Variants in PLCXD3 observed in about 807,000 individuals in gnomAD.
PLCXD3 encodes the protein phosphatidylinositol specific phospholipase C X domain containing 3.
A neutral mutation model predicts 25.5 loss-of-function variants in PLCXD3; 19 were observed. The observed-to-expected ratio is 0.75, with a 90% CI of 0.52 to 1.09. PLCXD3 has a LOEUF of 1.09. Ranked by LOEUF, PLCXD3 falls within the 50% of genes least tolerant of loss-of-function variation. The pLI is 0.00. For missense variants in PLCXD3, 411 were observed against 388.1 expected (o/e 1.06, Z -0.50); for synonymous variants, 174 against 137.6 (o/e 1.26, Z -1.85).
At chr5:41,444,988 T>A (rs1747463088) in intron 1 of PLCXD3, among the ~76,000 whole-genome samples, 1 of 152,234 alleles carries the variant, frequency 6.6e-6, no homozygotes, top group African/African-American at 2.4e-5. Context: ...AAGAGCTTAT[T>A]AGATGCTCTT....
At chr5:41,452,516 A>G (rs73750176) in intron 1 of PLCXD3, among the ~76,000 whole-genome samples, 1 of 152,132 alleles carries the variant, frequency 6.6e-6, no homozygotes, top group African/African-American at 2.4e-5. Flanking sequence ...TTAAGTAGGC[A>G]TACCTTAGAC....
At chr5:41,431,324 A>G (rs911482165) in intron 1 of PLCXD3, among the ~76,000 whole-genome samples, 6 of 152,198 alleles carry the variant, frequency 3.9e-5, no homozygotes, top group African/African-American at 1.4e-4. Context: ...CTGAATATAC[A>G]TTAGAGGTTA....
At chr5:41,356,945 C>T (rs1351213785) in intron 2 of PLCXD3, among the ~76,000 whole-genome samples, 1 of 152,134 alleles carries the variant, frequency 6.6e-6, no homozygotes, top group Admixed American at 6.5e-5. Flanking sequence ...ATTAGCTGCA[C>T]AATTATCCCG....
chr5:41,448,805 C>T (rs1747563264), intron 1 of PLCXD3, among the ~76,000 whole-genome samples: 2 of 152,074 alleles, frequency 1.3e-5, no homozygotes, highest in African/African-American at 4.8e-5. Context: ...GTTTAAAACC[C>T]AACAACAAAG....
chr5:41,455,761 T>C (rs1281051748), intron 1 of PLCXD3, among the ~76,000 whole-genome samples: 4 of 151,936 alleles, frequency 2.6e-5, no homozygotes, highest in Admixed American at 6.6e-5. Context: ...AGTTCAAGGA[T>C]ATTTGTTTTA....
At chr5:41,390,308 A>C (rs1374961748) in intron 1 of PLCXD3, among the ~76,000 whole-genome samples, 1 of 147,170 alleles carries the variant, frequency 6.8e-6, no homozygotes, top group Non-Finnish European at 1.5e-5. Context: ...GACAATTCTG[A>C]ACAAAACTGT....
rs1392687403 is a variant in PLCXD3, at chr5:41,307,025, A to G, written c.*6592T>C. On this transcript the variant is annotated 3_prime_UTR_variant, in exon 3 of 3. Coordinates refer to ENST00000377801, the MANE Select transcript of PLCXD3 (RefSeq NM_001005473.3). Reference sequence around the variant, plus strand: ...TTTTATTTTTTACATTAAGAACACAATCTTATTTAAAAAATTCACATTTTC... The same window carrying G: ...TTTTATTTTTTACATTAAGAACACAGTCTTATTTAAAAAATTCACATTTTC... 2 of 152,578 alleles carry G rather than the reference A, an allele frequency of 1.3e-5. No homozygotes were observed. Among genetic ancestry groups the G allele is most frequent in the Non-Finnish European group, 1.5e-5 (1 of 68,020 alleles). The allele number at this position is 152,578 out of a possible 1,614,324, so 9.5% of individuals were successfully genotyped here. A position where few individuals can be genotyped will look rare whatever the true frequency, so the allele number is the denominator to read the frequency against.
Position 41,322,006 on chromosome 5 carries a change from G to A in PLCXD3, c.813-8236C>T, listed in dbSNP as rs141546783. Reference sequence around the variant, plus strand: ...AGAAAACTTTGGGGAAAATCTCCAGGACATTGGTCTGGGCAAAAATTTCTT... The same window carrying A: ...AGAAAACTTTGGGGAAAATCTCCAGAACATTGGTCTGGGCAAAAATTTCTT... On this transcript the variant is annotated intron_variant, in intron 2 of 2. Coordinates refer to ENST00000377801, the MANE Select transcript of PLCXD3 (RefSeq NM_001005473.3). Among the ~76,000 whole-genome samples the A allele has an allele frequency of 6.7e-3, 1,020 of 152,242 alleles. 3 individuals are homozygous for A. The highest frequency in any genetic ancestry group is 0.01 in the Non-Finnish European group (707 of 68,010).
chr5:41,349,840 G>T (rs2150480573), intron 2 of PLCXD3, among the ~76,000 whole-genome samples: 1 of 152,204 alleles, frequency 6.6e-6, no homozygotes, highest in African/African-American at 2.4e-5. Flanking sequence ...TAGCACTGTG[G>T]ATACTCTGCT....
At chr5:41,454,602 C>T (rs1306710475) in intron 1 of PLCXD3, among the ~76,000 whole-genome samples, 4 of 151,886 alleles carry the variant, frequency 2.6e-5, no homozygotes, top group South Asian at 4.1e-4. Flanking sequence ...TGCAAACATT[C>T]GGACCATGCC....
intron 1 of PLCXD3, among the ~76,000 whole-genome samples, chr5:41,449,189 T>G (rs925424969): frequency 6.6e-6 from 1 of 152,226 alleles, no homozygotes. Context: ...TCCTCAAAAG[T>G]ACAATCTAAT....
At chr5:41,338,809 A>T (rs1287523050) in intron 2 of PLCXD3, among the ~76,000 whole-genome samples, 2 of 152,042 alleles carry the variant, frequency 1.3e-5, no homozygotes, top group Non-Finnish European at 2.9e-5. Context: ...TAGATTTTTC[A>T]GCTTGGAGCC....
At chr5:41,322,950 G>T (rs1349209776) in intron 2 of PLCXD3, among the ~76,000 whole-genome samples, 1 of 150,088 alleles carries the variant, frequency 6.7e-6, no homozygotes, top group African/African-American at 2.5e-5. Flanking sequence ...CTTCAGCCTG[G>T]TGACAGAACA....
chr5:41,369,293 GCTGT>G (rs1745025046), intron 2 of PLCXD3, among the ~76,000 whole-genome samples: 1 of 152,126 alleles, frequency 6.6e-6, no homozygotes, highest in Non-Finnish European at 1.5e-5. Context: ...ATCAACATAT[GCTGT>G]CTGTTAACAG....
intron 1 of PLCXD3, among the ~76,000 whole-genome samples, chr5:41,395,981 T>A (rs1454861045): frequency 7.2e-6 from 1 of 138,582 alleles, no homozygotes; most frequent in Non-Finnish European, 1.6e-5. Context: ...GATACTAAAA[T>A]CAGACAAAGG....
At chr5:41,472,762 G>C (rs1353621171) in intron 1 of PLCXD3, among the ~76,000 whole-genome samples, 2 of 152,148 alleles carry the variant, frequency 1.3e-5, no homozygotes, top group East Asian at 3.8e-4. Flanking sequence ...CTTTAGGTTG[G>C]CCTAAATTGC....
At chr5:41,427,504 CT>C (rs1214968060) in intron 1 of PLCXD3, among the ~76,000 whole-genome samples, 1 of 152,112 alleles carries the variant, frequency 6.6e-6, no homozygotes, top group African/African-American at 2.4e-5. Context: ...TTTTACTCTC[CT>C]TAATAATTTT....
At chr5:41,374,168 C>G (rs1042346255) in intron 2 of PLCXD3, among the ~76,000 whole-genome samples, 9 of 152,022 alleles carry the variant, frequency 5.9e-5, no homozygotes, top group Non-Finnish European at 1.3e-4. Flanking sequence ...TAAGGTGCAG[C>G]TTGTTTGTGA....
chr5:41,460,219 T>G (rs1381632582), intron 1 of PLCXD3, among the ~76,000 whole-genome samples: 1 of 151,912 alleles, frequency 6.6e-6, no homozygotes, highest in East Asian at 1.9e-4. Context: ...TTCCTAGCAC[T>G]CCAGTGTCTA....
Sources: gnomAD v4.1 joint callset for allele counts (sites outside exome capture counted in the v4.1 genomes callset) on GRCh38, gnomAD v4.1.1 for gene constraint, MANE v1.5 for transcripts, NCBI Gene and HGNC (gene_info 2026-07-23, HGNC 2026-07-21) for gene names.